The following ATF3 variants were observed in gnomAD, a reference collection of about 807,000 sequenced individuals.
ATF3 encodes cyclic AMP-dependent transcription factor ATF-3.
ATF3 carries 10 observed loss-of-function variants against 18.4 expected under a neutral mutation model. The observed-to-expected ratio is 0.54, with a 90% CI of 0.34 to 0.92. The LOEUF (loss-of-function observed/expected upper bound fraction) is 0.92, where lower values mean the gene tolerates loss of function less well. ATF3 is among the 40% of genes least tolerant of loss of function. The pLI is 0.02. For missense variants in ATF3, 183 were observed against 222.3 expected (o/e 0.82, Z 1.12); for synonymous variants, 78 against 87.9 (o/e 0.89, Z 0.63).
chr1:212,602,350 G>C lies in ATF3; in HGVS notation c.-4-12668G>C, dbSNP rs143443550. Among the ~76,000 whole-genome samples the C allele has an allele frequency of 4.4e-3, 670 of 152,256 alleles. 1 individual carries two copies. Among genetic ancestry groups the C allele is most frequent in the Middle Eastern group, 0.01 (3 of 294 alleles). On this transcript the variant is annotated intron_variant, in intron 1 of 3. Transcript: ENST00000366981. ...CTCCCCAGGTGGAGGGCAAAAAAGG[G>C]GTTCACGAGTCTCAATGGCTGCTAA...
rs553471313 is a variant in ATF3, at chr1:212,612,239, C to A, written c.-4-2779C>A. 4.6e-5 allele frequency among the ~76,000 whole-genome samples: 7 copies of A among 152,300 alleles called. No individual in the cohort carries two copies. The South Asian group carries it at 1.4e-3, about 32-fold the overall frequency. On this transcript the variant is annotated intron_variant, in intron 1 of 3. Coordinates refer to ENST00000341491, the MANE Select transcript of ATF3 (RefSeq NM_001674.4). ...TGCTTTTCATAAAAGCATTCCATAC[C>A]ACTGACATTCTTCAGCTTCTTTCAT...
upstream of ATF3, among the ~76,000 whole-genome samples, chr1:212,607,139 G>A (rs1310566581): frequency 1.3e-5 from 2 of 152,216 alleles, no homozygotes; most frequent in Non-Finnish European, 2.9e-5. Flanking sequence ...AGAGGTGGGT[G>A]GTCTGAGTGA....
intron 1 of ATF3, among the ~76,000 whole-genome samples, chr1:212,584,588 C>T (rs574247632): frequency 6.6e-6 from 1 of 151,942 alleles, no homozygotes; most frequent in Non-Finnish European, 1.5e-5. Flanking sequence ...TGAGGCCTAC[C>T]TACAAGGGGG....
At chr1:212,596,367 T>C (rs1475182263) in intron 1 of ATF3, among the ~76,000 whole-genome samples, 1 of 152,244 alleles carries the variant, frequency 6.6e-6, no homozygotes, top group Non-Finnish European at 1.5e-5. Flanking sequence ...CAGAGAGATG[T>C]TTCTAAGAAC....
chr1:212,589,760 C>T (rs1002919919), intron 1 of ATF3, among the ~76,000 whole-genome samples: 3 of 147,256 alleles, frequency 2.0e-5, no homozygotes, highest in Non-Finnish European at 4.5e-5. Context: ...TAAAAAGTCA[C>T]ATAAGCTAAT....
At chr1:212,598,270 AT>A (rs1654373146) in intron 1 of ATF3, among the ~76,000 whole-genome samples, 1 of 152,012 alleles carries the variant, frequency 6.6e-6, no homozygotes, top group Admixed American at 6.6e-5. Context: ...TATAGCTTTT[AT>A]TGAGTTATGA....
Position 212,618,040 on chromosome 1 carries a change from A to G in ATF3, c.241-87A>G. 2.9e-6 allele frequency: 4 copies of G among 1,400,316 alleles called. No homozygotes were observed. Among genetic ancestry groups the G allele is most frequent in the Non-Finnish European group, 4.0e-6 (4 of 998,398 alleles). The allele number at this position is 1,400,316 out of a possible 1,614,324, so 86.7% of individuals were successfully genotyped here. On this transcript the variant is annotated intron_variant, in intron 2 of 3. Coordinates refer to ENST00000341491, the MANE Select transcript of ATF3 (RefSeq NM_001674.4). This position sits in a 1 kb window ranked among gnomAD's most constrained non-coding sequence, Gnocchi z 4.4. ...AGCGCTAGCATTGCCCTTGTCTGCC[A>G]GCTTTTGCTGGCAGTAAAAGGCAGT...
rs115249697 is a variant in ATF3 at position 212,573,060 on chromosome 1, A to G, written c.-5+7577A>G. On this transcript the variant is annotated intron_variant, in intron 1 of 3. Coordinates refer to the ATF3 transcript ENST00000366981. The stretch of plus-strand genomic sequence containing the variant: ...TTCCGGGAATGTAATTATATCATGT[A>G]CAAGTAATTGCAAATCTATTTTCTC... Among the ~76,000 whole-genome samples, 625 of 152,232 alleles carry G rather than the reference A, an allele frequency of 4.1e-3. 4 individuals carry two copies. The highest frequency in any genetic ancestry group is 0.014 in the African/African-American group (593 of 41,550).
chr1:212,596,701 C>A (rs1212930992), intron 1 of ATF3, among the ~76,000 whole-genome samples: 1 of 152,180 alleles, frequency 6.6e-6, no homozygotes, highest in Non-Finnish European at 1.5e-5. Flanking sequence ...AGGCCAATGC[C>A]AAGGGGGAAA....
At chr1:212,607,552 T>A (rs1571780987), upstream of ATF3, among the ~76,000 whole-genome samples, 1 of 152,192 alleles carries the variant, frequency 6.6e-6, no homozygotes, top group African/African-American at 2.4e-5. Flanking sequence ...GCCCCGCCTT[T>A]CCCGCCACCC....
chr1:212,571,748 GTCGCCCAGGC>G (rs1278561062), intron 1 of ATF3, among the ~76,000 whole-genome samples: 1 of 129,312 alleles, frequency 7.7e-6, no homozygotes, highest in African/African-American at 3.0e-5. Flanking sequence ...GTCTGGCTCT[GTCGCCCAGGC>G]TGGAGTGCAG....
At chr1:212,593,719 TGATA>T (rs1170909173) in intron 1 of ATF3, among the ~76,000 whole-genome samples, 2 of 136,752 alleles carry the variant, frequency 1.5e-5, no homozygotes, top group Non-Finnish European at 1.5e-5. Context: ...CCAGCCTGGA[TGATA>T]GAGAGAGACC....
rs959407349 is a variant in ATF3, at chr1:212,573,103, A to G, written c.-5+7620A>G. 5.9e-4 allele frequency among the ~76,000 whole-genome samples: 90 copies of G among 152,124 alleles called. 1 individual carries two copies. Among genetic ancestry groups the G allele is most frequent in the African/African-American group, 2.0e-3 (82 of 41,438 alleles). ...ATTTTCTCCCTTCCAGTGTTTGTGC[A>G]TCTTATTTTTATAAGTGCCCTATTT... On this transcript the variant is annotated intron_variant, in intron 1 of 3. Coordinates refer to the ATF3 transcript ENST00000366981.
chr1:212,603,776 ATGTGTG>A (rs145857442), upstream of ATF3, among the ~76,000 whole-genome samples: 5,598 of 149,580 alleles, frequency 0.037, 137 homozygotes, highest in East Asian at 0.078. Context: ...GTGTATATAT[ATGTGTG>A]TGTGTGTGTG....
chr1:212,597,724 C>G (rs1417800483), intron 1 of ATF3, among the ~76,000 whole-genome samples: 1 of 152,108 alleles, frequency 6.6e-6, no homozygotes, highest in Non-Finnish European at 1.5e-5. Context: ...TGAACCTTGG[C>G]CCGAGTGTTG....
At position 212,619,571 on chromosome 1, in the gene ATF3, G is replaced by A; in HGVS notation, c.*16G>A. ...GCAGAGCTAAGCAGTCGTGGTATGG[G>A]GGCGACTGGGGAGTCCTCATTGAAT... On this transcript the variant is annotated 3_prime_UTR_variant, in exon 4 of 4. Coordinates refer to ENST00000341491, the MANE Select transcript of ATF3 (RefSeq NM_001674.4). This position sits in a 1 kb window ranked among gnomAD's most constrained non-coding sequence, Gnocchi z 4.4. 1 of 1,613,594 alleles carries A rather than the reference G, an allele frequency of 6.2e-7. No homozygotes were observed. Among genetic ancestry groups the A allele is most frequent in the Non-Finnish European group, 8.5e-7 (1 of 1,179,768 alleles).
chr1:212,579,957 A>C (rs1357938810), intron 1 of ATF3, among the ~76,000 whole-genome samples: 1 of 151,866 alleles, frequency 6.6e-6, no homozygotes, highest in Non-Finnish European at 1.5e-5. Flanking sequence ...ATCCTGGCTA[A>C]CATGGTGAAA....
intron 1 of ATF3, among the ~76,000 whole-genome samples, chr1:212,587,327 T>C (rs1386412591): frequency 6.6e-6 from 1 of 152,262 alleles, no homozygotes; most frequent in Non-Finnish European, 1.5e-5. Context: ...AGACAGACTT[T>C]ATGGAAAGCT....
At chr1:212,601,272 G>T (rs1654475943) in intron 1 of ATF3, among the ~76,000 whole-genome samples, 1 of 152,198 alleles carries the variant, frequency 6.6e-6, no homozygotes, top group Non-Finnish European at 1.5e-5. Context: ...TTGCAAATTT[G>T]GCAGGGGGGA....
Sources: allele counts gnomAD v4.1 joint callset (sites outside exome capture counted in the v4.1 genomes callset), GRCh38; gene constraint gnomAD v4.1.1; non-coding constraint Gnocchi (gnomAD v3.1); transcripts MANE v1.5; gene names NCBI Gene and HGNC (gene_info 2026-07-23, HGNC 2026-07-21).